The following SBF2 variants were observed in gnomAD, a reference collection of about 807,000 sequenced individuals.
SBF2 encodes SET binding factor 2.
Under a neutral mutation model 225.2 loss-of-function variants are expected in SBF2, and 112 were observed. That is an observed-to-expected ratio of 0.50 (90% CI 0.43 to 0.58). The LOEUF (loss-of-function observed/expected upper bound fraction) is 0.58. Ranked by LOEUF, SBF2 falls within the 20% of genes least tolerant of loss-of-function variation. The pLI, the probability that SBF2 is intolerant of heterozygous loss-of-function variation, is 0.00. For synonymous variants in SBF2, 763 were observed against 773.3 expected (o/e 0.99, Z 0.22); for missense variants, 1,996 against 2,206.2 (o/e 0.90, Z 1.91).
At chr11:10,282,962 C>A (rs1022555581) in intron 1 of SBF2, among the ~76,000 whole-genome samples, 2 of 152,170 alleles carry the variant, frequency 1.3e-5, no homozygotes, top group Non-Finnish European at 2.9e-5. Flanking sequence ...ATTCCTGTAA[C>A]AAGACATTCA....
At chr11:10,247,526 CAA>C (rs36111945) in intron 1 of SBF2, among the ~76,000 whole-genome samples, 262 of 112,120 alleles carry the variant, frequency 2.3e-3, no homozygotes, top group Middle Eastern at 4.6e-3. Flanking sequence ...ACTAAAAATA[CAA>C]AAAAAAAAAA....
intron 1 of SBF2, among the ~76,000 whole-genome samples, chr11:10,195,176 A>T (rs1383515884): frequency 6.6e-6 from 1 of 152,146 alleles, no homozygotes; most frequent in African/African-American, 2.4e-5. Flanking sequence ...GCATTGTAGG[A>T]TGTTTAGCAG....
At chr11:10,066,274 C>G (rs1385742691) in intron 2 of SBF2, among the ~76,000 whole-genome samples, 2 of 151,718 alleles carry the variant, frequency 1.3e-5, no homozygotes, top group African/African-American at 2.4e-5. Context: ...TACAAGAAAA[C>G]TACAGTTCAA....
chr11:9,871,965 C>G (rs904009475), intron 17 of SBF2, among the ~76,000 whole-genome samples: 2 of 152,136 alleles, frequency 1.3e-5, no homozygotes, highest in African/African-American at 4.8e-5. Flanking sequence ...AATCCCATTA[C>G]TGGGTATACG....
chr11:10,277,656 G>C (rs1048205535), intron 1 of SBF2, among the ~76,000 whole-genome samples: 11 of 152,098 alleles, frequency 7.2e-5, no homozygotes, highest in African/African-American at 2.7e-4. Flanking sequence ...AATTATCATG[G>C]ATTTAGGGTG....
chr11:9,993,611 T>C (rs1947537661), intron 10 of SBF2, among the ~76,000 whole-genome samples: 1 of 152,246 alleles, frequency 6.6e-6, no homozygotes, highest in South Asian at 2.1e-4. Flanking sequence ...TGTGTGGCCA[T>C]TTCAATTTGA....
At chr11:9,882,641 T>C (rs1859893599) in intron 17 of SBF2, among the ~76,000 whole-genome samples, 1 of 151,934 alleles carries the variant, frequency 6.6e-6, no homozygotes, top group South Asian at 2.1e-4. Context: ...ACCCCGTCTC[T>C]ACTAAAAATA....
intron 17 of SBF2, among the ~76,000 whole-genome samples, chr11:9,895,013 A>T (rs958604517): frequency 2.6e-5 from 4 of 152,036 alleles, no homozygotes; most frequent in African/African-American, 9.7e-5. Context: ...ATAAAACAAA[A>T]TTTCTCTGTT....
intron 16 of SBF2, chr11:9,959,618 A>G (rs4909917): frequency 0.3 from 224,262 of 760,142 alleles, 34,735 homozygotes; most frequent in Admixed American, 0.42. Context: ...TAGAGCCACC[A>G]AAATTCTACT....
chr11:9,998,799 C>T (rs996191428), intron 8 of SBF2, among the ~76,000 whole-genome samples: 2 of 152,182 alleles, frequency 1.3e-5, no homozygotes, highest in African/African-American at 4.8e-5. Context: ...TGAGTGACTT[C>T]ATAGAGCAAA....
At chr11:9,822,563 A>G (rs1854828686) in intron 28 of SBF2, among the ~76,000 whole-genome samples, 1 of 152,170 alleles carries the variant, frequency 6.6e-6, no homozygotes. Context: ...CCCGGCCACT[A>G]AACTCTTAAT....
At chr11:9,986,635 T>C (rs905616147) in intron 13 of SBF2, among the ~76,000 whole-genome samples, 4 of 151,952 alleles carry the variant, frequency 2.6e-5, no homozygotes, top group Non-Finnish European at 4.4e-5. Context: ...CAAAGGATCA[T>C]TCAAGGCAAC....
chr11:10,023,064 T>A (rs1948921022), intron 6 of SBF2, among the ~76,000 whole-genome samples: 1 of 152,202 alleles, frequency 6.6e-6, no homozygotes, highest in South Asian at 2.1e-4. Flanking sequence ...TGATACTCTA[T>A]TTCCATCATT....
chr11:10,210,740 C>T (rs561029411), intron 1 of SBF2, among the ~76,000 whole-genome samples: 3 of 151,142 alleles, frequency 2.0e-5, no homozygotes, highest in South Asian at 2.1e-4. Flanking sequence ...TGGCCAGGCG[C>T]GGTGGCTCAC....
chr11:9,861,691 T>C (rs1178342520), intron 17 of SBF2, among the ~76,000 whole-genome samples: 1 of 151,618 alleles, frequency 6.6e-6, no homozygotes, highest in African/African-American at 2.4e-5. Context: ...AAATGTTTCT[T>C]GAAACAGGTT....
At chr11:9,965,562 A>G (rs1300782611) in intron 14 of SBF2, among the ~76,000 whole-genome samples, 1 of 152,208 alleles carries the variant, frequency 6.6e-6, no homozygotes, top group African/African-American at 2.4e-5. Context: ...TGCTGGGATT[A>G]CAGGTATGAG....
intron 2 of SBF2, among the ~76,000 whole-genome samples, chr11:10,100,660 G>C (rs947052246): frequency 5.3e-5 from 8 of 152,144 alleles, no homozygotes; most frequent in Admixed American, 3.9e-4. Flanking sequence ...GAGTATCCTA[G>C]GTACTGCCCA....
At chr11:9,890,409 A>G (rs1269099684) in intron 17 of SBF2, among the ~76,000 whole-genome samples, 1 of 152,150 alleles carries the variant, frequency 6.6e-6, no homozygotes, top group African/African-American at 2.4e-5. Context: ...CTAGAAAATA[A>G]ATTTTTAAAT....
At chr11:10,031,263 C>A in intron 3 of SBF2, 93 bp from the exon 4 acceptor site, 1 of 1,180,612 alleles carries the variant, frequency 8.5e-7, no homozygotes, top group Non-Finnish European at 1.2e-6. Flanking sequence ...ATAACTTATG[C>A]AAATTCAAAA....
Sources: allele counts gnomAD v4.1 joint callset (sites outside exome capture counted in the v4.1 genomes callset), GRCh38; gene constraint gnomAD v4.1.1; transcripts MANE v1.5; gene names NCBI Gene and HGNC (gene_info 2026-07-23, HGNC 2026-07-21).